Variants in SLC37A1 observed in about 807,000 individuals in gnomAD.
The protein encoded by SLC37A1 is solute carrier family 37 member 1.
In SLC37A1, 49 loss-of-function variants were observed where a neutral mutation model predicts 75.3. The ratio of observed to expected loss-of-function variants is 0.65; its 90% CI spans 0.52 to 0.83. The LOEUF is 0.83. Among genes scored for constraint, SLC37A1 ranks in the 40% least tolerant of loss-of-function variants. The pLI, the probability that SLC37A1 is intolerant of heterozygous loss-of-function variation, is 0.00. For synonymous variants in SLC37A1, 268 were observed against 292.1 expected (o/e 0.92, Z 0.84); for missense variants, 566 against 695.0 (o/e 0.81, Z 2.09).
chr21:42,565,868 C>T lies in SLC37A1; in HGVS notation c.1263C>T (p.Ala421=). 1 of 1,613,972 alleles carries T rather than the reference C, an allele frequency of 6.2e-7. No individual in the cohort carries two copies. Among genetic ancestry groups the T allele is most frequent in the South Asian group, 1.1e-5 (1 of 91,078 alleles). The change falls in exon 15 of 20, where the codon GCC becomes GCT. Residue 421 remains alanine (A), a synonymous_variant. Transcript: ENST00000352133. ...CCGTCAGCAAGATGGGGCTTGAGGC[C>T]ACCATCGGTGAGTATGGAGGCCTTC... ...FSTVSKMGLE[A]TIAMLLLSGA... is the part of the protein sequence containing the mutation.
upstream of SLC37A1, chr21:42,509,206 A>G (rs1193891395): frequency 1.3e-5 from 2 of 152,222 alleles, no homozygotes; most frequent in Non-Finnish European, 2.9e-5. The surrounding 1 kb of genome is among the most constrained non-coding windows in gnomAD (Gnocchi z 4.2). Context: ...ATTTCTAAAT[A>G]ATATGAGTAA....
chr21:42,570,019 GCCATGTGACACACGGCCTGA>G (rs2056089743), intron 17 of SLC37A1, among the ~76,000 whole-genome samples: 54 of 151,166 alleles, frequency 3.6e-4, no homozygotes, highest in South Asian at 2.1e-4. Flanking sequence ...GGTGGCCGTT[GCCATGTGACACACGGCCTGA>G]TTCTGAGAAG....
intron 7 of SLC37A1, 53 bp downstream of exon 7, chr21:42,542,533 C>A: frequency 6.4e-7 from 1 of 1,574,680 alleles, no homozygotes; most frequent in East Asian, 2.2e-5. Context: ...GACCATTTTA[C>A]TTTTAGTTTT....
At chr21:42,522,460 AGGCAGCGGCCCGAGTGT>A (rs2054676703) in intron 2 of SLC37A1, among the ~76,000 whole-genome samples, 1 of 152,178 alleles carries the variant, frequency 6.6e-6, no homozygotes, top group African/African-American at 2.4e-5. Context: ...ACAACCAGCA[AGGCAGCGGCCCGAGTGT>A]GGCTGCCGCG....
intron 18 of SLC37A1, 197 bp downstream of exon 18, chr21:42,575,112 C>T (rs1045731028): frequency 1.0e-6 from 1 of 985,370 alleles, no homozygotes; most frequent in African/African-American, 1.7e-5. Flanking sequence ...GCAGGACAGT[C>T]TTGCTCTGCA....
At chr21:42,519,957 A>T (rs1568985462) in intron 2 of SLC37A1, among the ~76,000 whole-genome samples, 1 of 106,334 alleles carries the variant, frequency 9.4e-6, no homozygotes, top group Non-Finnish European at 1.9e-5. Context: ...GCCCCTCCAC[A>T]GTGTGTTTGT....
chr21:42,565,726 G>A, intron 14 of SLC37A1, 101 bp from the exon 15 acceptor site: 1 of 1,090,494 alleles, frequency 9.2e-7, no homozygotes, highest in Non-Finnish European at 1.4e-6. Flanking sequence ...TGGGATGGCT[G>A]CCTGAGAATC....
At chr21:42,553,992 A>T in intron 9 of SLC37A1, 70 bp from the exon 10 acceptor site, 1 of 1,307,662 alleles carries the variant, frequency 7.6e-7, no homozygotes, top group Non-Finnish European at 1.1e-6. Context: ...TATCCTTGCT[A>T]CAGTAAAGCC....
intron 8 of SLC37A1, 144 bp from the exon 9 acceptor site, chr21:42,546,959 A>G (rs1307156164): frequency 6.3e-6 from 6 of 945,226 alleles, no homozygotes; most frequent in East Asian, 2.5e-5. Flanking sequence ...GAGCAGCTCA[A>G]ATCCACTCAT....
chr21:42,576,077 T>A (rs1220074126), intron 18 of SLC37A1: 1 of 507,312 alleles, frequency 2.0e-6, no homozygotes, highest in African/African-American at 2.1e-5. Context: ...GTAAAGGCAA[T>A]ATAAATACAC....
chr21:42,525,527 G>A (rs2054767527), intron 2 of SLC37A1, among the ~76,000 whole-genome samples: 1 of 152,250 alleles, frequency 6.6e-6, no homozygotes, highest in Non-Finnish European at 1.5e-5. Context: ...GTTGTGTGTT[G>A]TGCATGAGGG....
intron 2 of SLC37A1, among the ~76,000 whole-genome samples, chr21:42,518,971 A>G (rs2054581024): frequency 6.6e-6 from 1 of 152,306 alleles, no homozygotes; most frequent in South Asian, 2.1e-4. Context: ...CTCGCCTTGC[A>G]TATTCTGAGA....
intron 18 of SLC37A1, among the ~76,000 whole-genome samples, chr21:42,577,853 T>C (rs1428064587): frequency 1.3e-5 from 2 of 152,036 alleles, no homozygotes; most frequent in Non-Finnish European, 2.9e-5. Context: ...AGTAAAAGAA[T>C]GGGAAACTAC....
intron 3 of SLC37A1, among the ~76,000 whole-genome samples, chr21:42,527,951 G>A (rs370881941): frequency 3.5e-4 from 53 of 152,278 alleles, no homozygotes; most frequent in African/African-American, 1.2e-3. Context: ...TGGCATCAAC[G>A]AAACTGAAAG....
At chr21:42,543,644 C>G (rs756401098) in intron 8 of SLC37A1, 42 bp downstream of exon 8, 3 of 1,541,868 alleles carry the variant, frequency 1.9e-6, no homozygotes, top group Non-Finnish European at 2.6e-6. Context: ...CAAGGGAGGC[C>G]TCGGATTTCC....
intron 18 of SLC37A1, among the ~76,000 whole-genome samples, chr21:42,578,186 A>G (rs365443): frequency 0.71 from 107,919 of 152,140 alleles, 39,043 homozygotes; most frequent in Admixed American, 0.79. Flanking sequence ...GCCTCACAAC[A>G]CACACTGATG....
At chr21:42,557,089 T>C (rs759670622) in intron 10 of SLC37A1, among the ~76,000 whole-genome samples, 34 of 152,198 alleles carry the variant, frequency 2.2e-4, no homozygotes, top group Middle Eastern at 6.8e-3. Flanking sequence ...GCCAAGTAGG[T>C]CTTCTGTGTT....
At chr21:42,525,159 GC>G (rs2054751217) in intron 2 of SLC37A1, among the ~76,000 whole-genome samples, 2 of 152,234 alleles carry the variant, frequency 1.3e-5, no homozygotes, top group African/African-American at 4.8e-5. Context: ...CCCATACCTC[GC>G]CCTGTGCATC....
intron 10 of SLC37A1, among the ~76,000 whole-genome samples, chr21:42,558,395 G>A (rs868589274): frequency 3.3e-5 from 5 of 152,182 alleles, no homozygotes; most frequent in African/African-American, 1.2e-4. Flanking sequence ...TTAGCATTTC[G>A]ATAAAAATTA....
Sources: gnomAD v4.1 joint callset for allele counts (sites outside exome capture counted in the v4.1 genomes callset) on GRCh38, gnomAD v4.1.1 for gene constraint, Gnocchi (gnomAD v3.1) non-coding constraint, MANE v1.5 for transcripts, NCBI Gene and HGNC (gene_info 2026-07-23, HGNC 2026-07-21) for gene names.